ELF1: variants seen among roughly 807,000 people sequenced by gnomAD.
ELF1 encodes the protein E74 like ETS transcription factor 1.
Under a neutral mutation model 59.9 loss-of-function variants are expected in ELF1, and 24 were observed. The observed-to-expected ratio is 0.40, with a 90% CI of 0.29 to 0.56. The LOEUF (loss-of-function observed/expected upper bound fraction) is 0.56. ELF1 is among the 20% of genes least tolerant of loss of function. ELF1 has a pLI of 0.44. For synonymous variants in ELF1, 248 were observed against 266.2 expected (o/e 0.93, Z 0.67); for missense variants, 627 against 742.2 (o/e 0.84, Z 1.80).
intron 1 of ELF1, among the ~76,000 whole-genome samples, chr13:40,987,569 A>T (rs2138290484): frequency 1.5e-5 from 2 of 130,760 alleles, no homozygotes; most frequent in African/African-American, 3.0e-5. Context: ...TGGGCAACAG[A>T]GCAAGACTCT....
rs74428825 is a variant in ELF1, at chr13:41,049,865, A to G, written c.-229+10973T>C. ...CTCCCACTAAACTGCAAGCTTCATG[A>G]GGATCTTGTCAGCTTTTATCATTGT... On this transcript the variant is annotated intron_variant, in intron 1 of 1. Coordinates refer to the ELF1 transcript ENST00000405737. Among the ~76,000 whole-genome samples the G allele has an allele frequency of 1.3e-3, 199 of 152,332 alleles. 4 individuals are homozygous for G. In the East Asian group the frequency reaches 0.031, roughly 24 times the overall value.
At chr13:40,993,302 C>G in intron 1 of ELF1, 1 of 1,549,156 alleles carries the variant, frequency 6.5e-7, no homozygotes, top group Non-Finnish European at 8.9e-7. Flanking sequence ...GCAGGTGTTC[C>G]TTCATTTTGG....
Position 41,041,938 on chromosome 13 carries a change from A to C in ELF1, c.-229+18900T>G, listed in dbSNP as rs535396282. 3.1e-4 allele frequency among the ~76,000 whole-genome samples: 47 copies of C among 152,378 alleles called. 1 individual carries two copies. In the South Asian group the frequency reaches 9.3e-3, roughly 30 times the overall value. On this transcript the variant is annotated intron_variant, in intron 1 of 1. Coordinates refer to the ELF1 transcript ENST00000405737. ...TTTAGACTAAGTCAGTGGGAAGGTC[A>C]TATTTGTATTCAGTAGATCCTGTTT...
intron 7 of ELF1, 55 bp from the exon 8 acceptor site, chr13:40,941,425 C>T (rs1186039632): frequency 2.7e-6 from 4 of 1,459,510 alleles, no homozygotes; most frequent in Non-Finnish European, 3.7e-6. Context: ...AAATATTCAA[C>T]AAAATCAAAT....
At chr13:40,952,743 A>G (rs1267407124) in intron 3 of ELF1, among the ~76,000 whole-genome samples, 1 of 152,114 alleles carries the variant, frequency 6.6e-6, no homozygotes, top group Non-Finnish European at 1.5e-5. Flanking sequence ...ATTGTGGAGT[A>G]TAGTATATAT....
In ELF1 at chr13:40,941,058, G is replaced by A; in HGVS notation, c.1119C>T (p.Pro373=). 6.2e-7 allele frequency: 1 copy of A among 1,614,174 alleles called. No individual in the cohort carries two copies. Among genetic ancestry groups the A allele is most frequent in the Non-Finnish European group, 8.5e-7 (1 of 1,180,024 alleles). The change falls in exon 8 of 9, where the codon CCC becomes CCT. Residue 373 remains proline, a synonymous_variant. Coordinates refer to ENST00000239882, the MANE Select transcript of ELF1 (RefSeq NM_172373.4). Reference sequence around the variant, plus strand: ...GCTGGGTAGGATATGGAGACTGCGTGGGCTGCACTGTCCTCAAAACTTCTG... The same window carrying A: ...GCTGGGTAGGATATGGAGACTGCGTAGGCTGCACTGTCCTCAAAACTTCTG... ...QPSEVLRTVQ[P]TQSPYPTQLF... is the part of the protein sequence containing the mutation.
chr13:40,965,039 A>G (rs935208883), intron 2 of ELF1, among the ~76,000 whole-genome samples: 2 of 152,218 alleles, frequency 1.3e-5, no homozygotes, highest in African/African-American at 4.8e-5. Context: ...CAATAATAGG[A>G]CTTAATTTAA....
chr13:40,955,882 C>A (rs1282142019), intron 3 of ELF1, among the ~76,000 whole-genome samples: 1 of 140,540 alleles, frequency 7.1e-6, no homozygotes, highest in Non-Finnish European at 1.6e-5. Flanking sequence ...GGCCAGCCAC[C>A]CCATCCAGGA....
chr13:41,045,027 G>A (rs546609780), intron 1 of ELF1, among the ~76,000 whole-genome samples: 4 of 152,152 alleles, frequency 2.6e-5, no homozygotes, highest in East Asian at 3.9e-4. Context: ...TCTTGGGAGG[G>A]GGTATGTGTC....
chr13:41,047,155 T>C (rs994013138), intron 1 of ELF1, among the ~76,000 whole-genome samples: 1 of 152,202 alleles, frequency 6.6e-6, no homozygotes, highest in African/African-American at 2.4e-5. Context: ...TTCTCTACAC[T>C]GGTTATTCTA....
chr13:40,944,386 G>A (rs1870375452), intron 5 of ELF1, among the ~76,000 whole-genome samples: 1 of 152,124 alleles, frequency 6.6e-6, no homozygotes, highest in Non-Finnish European at 1.5e-5. Context: ...AATAATTTCT[G>A]TATACAGTTA....
intron 1 of ELF1, among the ~76,000 whole-genome samples, chr13:41,050,058 T>C (rs1481279908): frequency 6.6e-6 from 1 of 152,224 alleles, no homozygotes; most frequent in Non-Finnish European, 1.5e-5. Context: ...ATTATCTTAA[T>C]CCTTTTTAAG....
chr13:41,044,203 C>T (rs551220993), intron 1 of ELF1, among the ~76,000 whole-genome samples: 1 of 152,284 alleles, frequency 6.6e-6, no homozygotes, highest in South Asian at 2.1e-4. Context: ...TGGGCTGAGA[C>T]AATGGGGTTT....
At chr13:41,007,647 G>A (rs571664981) in intron 1 of ELF1, among the ~76,000 whole-genome samples, 2 of 152,256 alleles carry the variant, frequency 1.3e-5, no homozygotes, top group South Asian at 4.1e-4. Context: ...CCTCATTAGA[G>A]AGGTGCCAAA....
At position 40,951,422 on chromosome 13, in the gene ELF1, G is replaced by A; in HGVS notation, c.268C>T (p.His90Tyr). ...DITLTVEASC[H>Y]DGDETIETIE... ...GTTTCAATTGTTTCATCCCCGTCATGACAAGAAGCTTCAACTGCAACACAT... is the reference window on the plus strand; with the variant it reads ...GTTTCAATTGTTTCATCCCCGTCATAACAAGAAGCTTCAACTGCAACACAT... The change falls in exon 4 of 9, where the codon CAT (histidine) becomes TAT (tyrosine). Residue 90 changes from histidine to tyrosine, a missense_variant. His to Tyr is a moderately conservative substitution (Grantham distance 83). Transcript: ENST00000239882. 2 of 1,613,612 alleles carry A rather than the reference G, an allele frequency of 1.2e-6. No individual in the cohort carries two copies. Among genetic ancestry groups the A allele is most frequent in the Non-Finnish European group, 1.7e-6 (2 of 1,179,808 alleles).
chr13:41,035,729 A>G (rs1459757785), intron 1 of ELF1, among the ~76,000 whole-genome samples: 5 of 81,758 alleles, frequency 6.1e-5, no homozygotes, highest in African/African-American at 1.8e-4. Context: ...AACAAAAAGA[A>G]AAAAAAAAAA....
chr13:40,974,562 C>T (rs1182058124), intron 2 of ELF1, among the ~76,000 whole-genome samples: 1 of 152,146 alleles, frequency 6.6e-6, no homozygotes, highest in Non-Finnish European at 1.5e-5. Context: ...AAGCACAGTG[C>T]ATGGGGCAAG....
At chr13:41,011,334 T>C (rs1324107290) in intron 1 of ELF1, among the ~76,000 whole-genome samples, 1 of 152,244 alleles carries the variant, frequency 6.6e-6, no homozygotes, top group African/African-American at 2.4e-5. Flanking sequence ...AACTGGAAAT[T>C]ACTATTTATT....
chr13:41,004,807 G>T (rs972245557), intron 1 of ELF1, among the ~76,000 whole-genome samples: 4 of 152,148 alleles, frequency 2.6e-5, no homozygotes, highest in Non-Finnish European at 2.9e-5. Context: ...TTTTAAATAT[G>T]TAAAAGATAT....
Sources: gnomAD v4.1 joint callset for allele counts (sites outside exome capture counted in the v4.1 genomes callset) on GRCh38, gnomAD v4.1.1 for gene constraint, MANE v1.5 for transcripts, NCBI Gene and HGNC (gene_info 2026-07-23, HGNC 2026-07-21) for gene names.